The following MAF variants were observed in gnomAD, a reference collection of about 807,000 sequenced individuals.
The protein encoded by MAF is MAF bZIP transcription factor.
A neutral mutation model predicts 22.0 loss-of-function variants in MAF; 10 were observed. That is an observed-to-expected ratio of 0.45 (90% CI 0.28 to 0.77). The LOEUF is 0.77. MAF is among the 30% of genes least tolerant of loss of function. The probability of loss-of-function intolerance (pLI) is 0.12; values close to 1 mark genes in which losing one functional copy is unlikely to be tolerated. For missense variants in MAF, 544 were observed against 548.4 expected, an observed-to-expected ratio of 0.99 and a Z score of 0.08; for synonymous variants, 337 against 255.8, an observed-to-expected ratio of 1.32 and a Z score of -3.03.
the MAF span, among the ~76,000 whole-genome samples, chr16:79,489,104 CATCT>C: frequency 1.3e-5 from 2 of 152,292 alleles, no homozygotes; most frequent in African/African-American, 4.8e-5. Context: ...CCCATCCATC[CATCT>C]ATCCATCCAC....
chr16:79,486,806 C>T, the MAF span, among the ~76,000 whole-genome samples: 2 of 152,170 alleles, frequency 1.3e-5, no homozygotes, highest in African/African-American at 4.8e-5. Flanking sequence ...TTGCTTTTCA[C>T]CTTGGGTGGG....
the MAF span, among the ~76,000 whole-genome samples, chr16:79,474,764 G>C: frequency 2.0e-5 from 3 of 152,054 alleles, no homozygotes; most frequent in Non-Finnish European, 4.4e-5. Context: ...CTACTTTTTG[G>C]AGGCAAGAAG....
the MAF span, among the ~76,000 whole-genome samples, chr16:79,385,566 C>T: frequency 9.2e-5 from 14 of 152,314 alleles, no homozygotes; most frequent in African/African-American, 2.2e-4. Flanking sequence ...ATACTTTACA[C>T]GTTGTGTTCT....
At chr16:79,536,782 G>A in the MAF span, among the ~76,000 whole-genome samples, 1 of 152,212 alleles carries the variant, frequency 6.6e-6, no homozygotes, top group Admixed American at 6.5e-5. Flanking sequence ...CATTTACATT[G>A]TATTAGTTAT....
Position 79,599,474 on chromosome 16 carries a change from C to T in MAF, c.429G>A (p.Gly143=). 1.4e-6 allele frequency: 2 copies of T among 1,392,030 alleles called. No individual in the cohort carries two copies. The highest frequency in any genetic ancestry group is 1.8e-6 in the Non-Finnish European group (2 of 1,082,972). The allele number at this position is 1,392,030 out of a possible 1,614,324, so 86.2% of individuals were successfully genotyped here. A position where few individuals can be genotyped will look rare whatever the true frequency, so the allele number is the denominator to read the frequency against. The change falls in exon 1 of 2, where the codon GGG becomes GGA. Residue 143 remains glycine (G), a synonymous_variant. Transcript: ENST00000326043. ...CGCCCAAGGAGGCGCCGGCACCGGC[C>T]CCGGCCGCCGCGGCCAGCTGCTGCG... is the stretch of plus-strand genomic sequence containing the variant. ...RGAQQLAAAA[G]AGAGASLGGS...
At chr16:79,421,009 G>T in the MAF span, among the ~76,000 whole-genome samples, 3 of 151,500 alleles carry the variant, frequency 2.0e-5, no homozygotes, top group South Asian at 6.3e-4. Flanking sequence ...ACTCCAGCCT[G>T]GTGACAGAGC....
the MAF span, among the ~76,000 whole-genome samples, chr16:79,542,545 C>T: frequency 6.6e-6 from 1 of 152,172 alleles, no homozygotes; most frequent in South Asian, 2.1e-4. Flanking sequence ...CAAAAGGAAG[C>T]AGGGAAAGAA....
the MAF span, among the ~76,000 whole-genome samples, chr16:79,547,039 G>A: frequency 6.6e-6 from 1 of 152,192 alleles, no homozygotes; most frequent in Non-Finnish European, 1.5e-5. Flanking sequence ...CATGGTCACA[G>A]GACATGCGTA....
At chr16:79,363,308 C>A in the MAF span, among the ~76,000 whole-genome samples, 19 of 152,116 alleles carry the variant, frequency 1.2e-4, no homozygotes, top group African/African-American at 4.6e-4. Flanking sequence ...CTGATAAACC[C>A]AACCTAAGTT....
At chr16:79,333,386 G>A in the MAF span, among the ~76,000 whole-genome samples, 1 of 152,212 alleles carries the variant, frequency 6.6e-6, no homozygotes, top group East Asian at 1.9e-4. Context: ...ACTTTGCAGG[G>A]GAGAGTTCTG....
At chr16:79,364,632 A>G in the MAF span, among the ~76,000 whole-genome samples, 248 of 152,324 alleles carry the variant, frequency 1.6e-3, 4 homozygotes, top group African/African-American at 5.6e-3. Context: ...CATGCTCCCA[A>G]TTGAACAGTT....
chr16:79,585,810 T>C (rs1247668819), downstream of MAF: 3 of 562,630 alleles, frequency 5.3e-6, no homozygotes, highest in Non-Finnish European at 9.1e-6. Context: ...TTTCCCTTCA[T>C]TTAAAAAAAC....
the MAF span, among the ~76,000 whole-genome samples, chr16:79,460,225 C>T: frequency 6.6e-6 from 1 of 151,982 alleles, no homozygotes; most frequent in African/African-American, 2.4e-5. Context: ...GGTAACTGAC[C>T]GTATCGATCT....
the MAF span, among the ~76,000 whole-genome samples, chr16:79,569,164 C>A: frequency 6.6e-6 from 1 of 152,210 alleles, no homozygotes; most frequent in Non-Finnish European, 1.5e-5. Flanking sequence ...GTTTCTCAGT[C>A]CCAGCATAAT....
At chr16:79,294,157 A>G in the MAF span, among the ~76,000 whole-genome samples, 1 of 152,190 alleles carries the variant, frequency 6.6e-6, no homozygotes, top group Non-Finnish European at 1.5e-5. Flanking sequence ...GCAACATCTC[A>G]GCTTCTTTGG....
At chr16:79,225,303 A>G in the MAF span, among the ~76,000 whole-genome samples, 1 of 152,238 alleles carries the variant, frequency 6.6e-6, no homozygotes, top group Non-Finnish European at 1.5e-5. Flanking sequence ...AAAACTGGCT[A>G]GCCATATGCA....
chr16:79,513,243 G>A, the MAF span, among the ~76,000 whole-genome samples: 2 of 152,256 alleles, frequency 1.3e-5, no homozygotes, highest in African/African-American at 4.8e-5. Flanking sequence ...CTTAGAGGCA[G>A]CCTGTCGCAG....
At chr16:79,462,594 T>C in the MAF span, among the ~76,000 whole-genome samples, 1 of 152,174 alleles carries the variant, frequency 6.6e-6, no homozygotes, top group Non-Finnish European at 1.5e-5. Flanking sequence ...CACACACAAA[T>C]ACATTTGTAC....
At chr16:79,363,992 C>A in the MAF span, among the ~76,000 whole-genome samples, 72 of 152,210 alleles carry the variant, frequency 4.7e-4, no homozygotes, top group African/African-American at 1.5e-3. Context: ...GACCAGTGAC[C>A]AAATGCAGGA....
Sources: allele counts gnomAD v4.1 joint callset (sites outside exome capture counted in the v4.1 genomes callset), GRCh38; gene constraint gnomAD v4.1.1; transcripts MANE v1.5; gene names NCBI Gene and HGNC (gene_info 2026-07-23, HGNC 2026-07-21).